The following GRXCR1 variants were observed in gnomAD, a reference collection of about 807,000 sequenced individuals.
GRXCR1 encodes glutaredoxin domain-containing cysteine-rich protein 1.
Under a neutral mutation model 27.3 loss-of-function variants are expected in GRXCR1, and 27 were observed. The ratio of observed to expected loss-of-function variants is 0.99; its 90% CI spans 0.73 to 1.37. GRXCR1 has a LOEUF of 1.37. Ranked by LOEUF, GRXCR1 falls within the 40% of genes most tolerant of loss-of-function variation. The probability of loss-of-function intolerance (pLI) is 0.00; values close to 1 mark genes in which losing one functional copy is unlikely to be tolerated. For synonymous variants in GRXCR1, 122 were observed against 131.1 expected (o/e 0.93, Z 0.47); for missense variants, 379 against 354.4 (o/e 1.07, Z -0.56).
intron 3 of GRXCR1, among the ~76,000 whole-genome samples, chr4:43,029,477 C>T (rs1464357225): frequency 6.6e-6 from 1 of 152,118 alleles, no homozygotes; most frequent in Non-Finnish European, 1.5e-5. Flanking sequence ...TGTATTCATT[C>T]TGTAATGGCA....
chr4:42,913,752 G>A lies in GRXCR1; in HGVS notation c.384+20102G>A, dbSNP rs183996475. Among the ~76,000 whole-genome samples the A allele has an allele frequency of 6.7e-4, 102 of 152,280 alleles. 4 individuals carry two copies. The highest frequency in any genetic ancestry group is 6.8e-3 in the Middle Eastern group (2 of 294). The stretch of plus-strand genomic sequence containing the variant: ...CTTCATGGCAGCCTGTCCCATCACA[G>A]GTGCAGAAACCTAGGAGGGAAAAAT... On this transcript the variant is annotated intron_variant, in intron 1 of 3. Coordinates refer to ENST00000399770, the MANE Select transcript of GRXCR1 (RefSeq NM_001080476.3).
intron 2 of GRXCR1, among the ~76,000 whole-genome samples, chr4:42,983,581 A>G (rs1560675031): frequency 6.6e-6 from 1 of 151,778 alleles, no homozygotes; most frequent in East Asian, 1.9e-4. Context: ...AGTTTTTTCC[A>G]ATTCTGTGAA....
intron 2 of GRXCR1, among the ~76,000 whole-genome samples, chr4:43,015,041 G>A (rs138736937): frequency 5.9e-5 from 9 of 152,250 alleles, no homozygotes; most frequent in African/African-American, 2.2e-4. Context: ...GGATGCATAC[G>A]AGTTTCCCAA....
chr4:42,997,577 T>C (rs574170307), intron 2 of GRXCR1, among the ~76,000 whole-genome samples: 4 of 152,256 alleles, frequency 2.6e-5, no homozygotes, highest in Admixed American at 1.3e-4. Context: ...CGAGTCTTGA[T>C]TGCAAATGAG....
intron 1 of GRXCR1, among the ~76,000 whole-genome samples, chr4:42,938,628 A>G (rs76262915): frequency 0.017 from 2,587 of 152,050 alleles, 45 homozygotes; most frequent in African/African-American, 0.048. Flanking sequence ...GTAGAATTTC[A>G]TAGTTTGAGG....
intron 2 of GRXCR1, among the ~76,000 whole-genome samples, chr4:42,987,231 A>ATAT (rs1560676814): frequency 1.5e-3 from 127 of 86,514 alleles, no homozygotes; most frequent in African/African-American, 5.6e-3. Context: ...ATTATATATT[A>ATAT]TATATATATA....
chr4:43,028,036 G>A (rs1713309786), intron 3 of GRXCR1, among the ~76,000 whole-genome samples: 2 of 152,002 alleles, frequency 1.3e-5, no homozygotes, highest in African/African-American at 2.4e-5. Flanking sequence ...TTGAACCTGG[G>A]AGGAGGAGGT....
In GRXCR1 at chr4:43,026,312, A is replaced by C. The variant is rs1279765619; in HGVS notation, c.694-4049A>C. On this transcript the variant is annotated intron_variant, in intron 3 of 3. Coordinates refer to ENST00000399770, the MANE Select transcript of GRXCR1 (RefSeq NM_001080476.3). ...CCCTCTAAATTAGGACCAGACTTCC[A>C]GTATAACAAATTGCTCTTTGAAAGA... is the stretch of plus-strand genomic sequence containing the variant. Among the ~76,000 whole-genome samples the C allele has an allele frequency of 2.0e-5, 3 of 152,320 alleles. No individual in the cohort carries two copies. In the East Asian group the frequency reaches 5.8e-4, roughly 29 times the overall value.
chr4:42,959,415 C>A (rs962950968), intron 1 of GRXCR1, among the ~76,000 whole-genome samples: 3 of 150,696 alleles, frequency 2.0e-5, no homozygotes, highest in Non-Finnish European at 4.4e-5. Context: ...TGAATGGTGG[C>A]TGTTAGTGGT....
intron 2 of GRXCR1, among the ~76,000 whole-genome samples, chr4:42,986,394 G>T (rs902369018): frequency 6.6e-6 from 1 of 152,126 alleles, no homozygotes; most frequent in African/African-American, 2.4e-5. Flanking sequence ...GGGCCCAGGG[G>T]CCAGTCAATT....
chr4:42,893,591 G>A lies in GRXCR1; in HGVS notation c.325G>A (p.Val109Ile), dbSNP rs760182093. 101 of 1,613,496 alleles carry A rather than the reference G, an allele frequency of 6.3e-5. 1 individual carries two copies. The highest frequency in any genetic ancestry group is 3.3e-4 in the Middle Eastern group (2 of 6,080). The change falls in exon 1 of 4, where the codon GTC becomes ATC. Residue 109 changes from valine (V) to isoleucine (I), a missense_variant. Val to Ile is a conservative substitution (Grantham distance 29). Transcript: ENST00000399770. The part of the protein sequence containing the change: ...ILSKNGTVRG[V>I]KYKVSAGQAL... ...AAGCAAAAATGGCACAGTCAGAGGC[G>A]TCAAATACAAAGTGAGTGCTGGCCA...
intron 2 of GRXCR1, among the ~76,000 whole-genome samples, chr4:42,969,568 G>A (rs1280400325): frequency 2.0e-5 from 3 of 152,048 alleles, no homozygotes; most frequent in Admixed American, 6.6e-5. Context: ...GAGAGGGATC[G>A]AGAGAGCAAA....
At chr4:43,030,245 T>C (rs1237345153) in intron 3 of GRXCR1, 116 bp from the exon 4 acceptor site, 1 of 873,328 alleles carries the variant, frequency 1.1e-6, no homozygotes, top group Non-Finnish European at 1.9e-6. Context: ...TGTATAGCCA[T>C]ATTATGCCAA....
At chr4:42,930,558 G>T (rs1577909818) in intron 1 of GRXCR1, among the ~76,000 whole-genome samples, 1 of 151,846 alleles carries the variant, frequency 6.6e-6, no homozygotes, top group Non-Finnish European at 1.5e-5. Flanking sequence ...TGCTAATATT[G>T]ACTCCCATTG....
chr4:42,932,619 T>TATATAG (rs1249820617), intron 1 of GRXCR1, among the ~76,000 whole-genome samples: 1 of 22,916 alleles, frequency 4.4e-5, no homozygotes, highest in Non-Finnish European at 7.6e-5. Flanking sequence ...TATATATATA[T>TATATAG]AGAGAGAGAG....
Position 42,952,985 on chromosome 4 carries a change from C to T in GRXCR1, c.385-9907C>T, listed in dbSNP as rs116177125. Among the ~76,000 whole-genome samples the T allele has an allele frequency of 4.8e-3, 733 of 152,240 alleles. 9 individuals carry two copies. The highest frequency in any genetic ancestry group is 0.017 in the African/African-American group (692 of 41,564). ...AGCATAGAGAATTTGAGCGGTCCTA[C>T]GTCAAGGACATGTTCTTTTTATTGT... On this transcript the variant is annotated intron_variant, in intron 1 of 3. Coordinates refer to ENST00000399770, the MANE Select transcript of GRXCR1 (RefSeq NM_001080476.3).
intron 1 of GRXCR1, among the ~76,000 whole-genome samples, chr4:42,896,933 T>C (rs1746359070): frequency 1.3e-5 from 2 of 151,982 alleles, no homozygotes. Flanking sequence ...ATCAGTTAAT[T>C]TGAGAACAGG....
chr4:42,909,667 A>G (rs1269239879), intron 1 of GRXCR1, among the ~76,000 whole-genome samples: 5 of 152,312 alleles, frequency 3.3e-5, no homozygotes, highest in East Asian at 1.9e-4. Context: ...AGTATGAAAT[A>G]TGAAGAAACT....
chr4:42,933,836 T>C (rs2109758616), intron 1 of GRXCR1, among the ~76,000 whole-genome samples: 1 of 151,952 alleles, frequency 6.6e-6, no homozygotes, highest in Non-Finnish European at 1.5e-5. Flanking sequence ...CAGTTGATGA[T>C]ATTCTGTTAT....
Sources: allele counts gnomAD v4.1 joint callset (sites outside exome capture counted in the v4.1 genomes callset), GRCh38; gene constraint gnomAD v4.1.1; transcripts MANE v1.5; gene names NCBI Gene and HGNC (gene_info 2026-07-23, HGNC 2026-07-21).